Variants in OPCML observed in about 807,000 individuals in gnomAD.
OPCML encodes the protein opioid-binding protein/cell adhesion molecule.
A neutral mutation model predicts 37.8 loss-of-function variants in OPCML; 13 were observed. The observed-to-expected ratio is 0.34, with a 90% confidence interval of 0.22 to 0.55. The LOEUF is 0.55. OPCML is among the 20% of genes least tolerant of loss of function. OPCML has a pLI of 0.91. For synonymous variants in OPCML, 176 were observed against 168.8 expected (o/e 1.04, Z -0.33); for missense variants, 341 against 435.6 (o/e 0.78, Z 1.93).
intron 3 of OPCML, among the ~76,000 whole-genome samples, chr11:132,581,374 G>C (rs1196169835): frequency 3.3e-5 from 5 of 152,180 alleles, no homozygotes; most frequent in African/African-American, 1.2e-4. Context: ...AAAGGACCTA[G>C]TCAGGTTCTA....
chr11:132,804,870 A>T (rs1938905198), intron 2 of OPCML, among the ~76,000 whole-genome samples: 5 of 152,214 alleles, frequency 3.3e-5, no homozygotes, highest in Admixed American at 3.3e-4. Flanking sequence ...TTCAACAAAA[A>T]ATCAATAGTC....
At chr11:132,560,902 A>C (rs2096409221) in intron 3 of OPCML, among the ~76,000 whole-genome samples, 1 of 152,192 alleles carries the variant, frequency 6.6e-6, no homozygotes, top group South Asian at 2.1e-4. Context: ...TTTGCTGTGC[A>C]GAAGCTGTTG....
intron 3 of OPCML, among the ~76,000 whole-genome samples, chr11:132,568,180 AT>A: frequency 6.6e-6 from 1 of 152,366 alleles, no homozygotes; most frequent in South Asian, 2.1e-4. Context: ...AAGTAACAGC[AT>A]TAATCACGTA....
At chr11:133,447,795 A>C (rs147223926) in intron 1 of OPCML, among the ~76,000 whole-genome samples, 17 of 152,294 alleles carry the variant, frequency 1.1e-4, no homozygotes, top group African/African-American at 4.1e-4. Context: ...GGTTGACTTC[A>C]TGTCTTTGCT....
At chr11:132,868,794 C>T (rs1226185189) in intron 2 of OPCML, among the ~76,000 whole-genome samples, 1 of 152,116 alleles carries the variant, frequency 6.6e-6, no homozygotes, top group Non-Finnish European at 1.5e-5. Flanking sequence ...GTTTCTGCTA[C>T]CTGGAGTGGA....
rs562362918 is a variant in OPCML, at chr11:132,460,580, T to C, written c.506-23221A>G. Among the ~76,000 whole-genome samples the C allele has an allele frequency of 1.2e-4, 18 of 152,246 alleles. No individual in the cohort carries two copies. The South Asian group carries it at 3.7e-3, about 32-fold the overall frequency. On this transcript the variant is annotated intron_variant, in intron 4 of 7. Transcript: ENST00000524381. ...ATAAATGATATCTCAGCAGCAAAAA[T>C]TGATGCTTGGTATCTTGATGGCAAA...
intron 3 of OPCML, among the ~76,000 whole-genome samples, chr11:132,652,738 C>T (rs1372647952): frequency 6.6e-6 from 1 of 152,178 alleles, no homozygotes; most frequent in Non-Finnish European, 1.5e-5. Flanking sequence ...CTTGTCACAT[C>T]GAGGACCCTC....
intron 2 of OPCML, among the ~76,000 whole-genome samples, chr11:132,683,123 AT>A (rs1943023239): frequency 6.6e-6 from 1 of 152,244 alleles, no homozygotes; most frequent in Non-Finnish European, 1.5e-5. Context: ...TGTAAAAAAT[AT>A]AAAAGCAAGA....
chr11:133,072,903 T>C (rs2137013118), intron 1 of OPCML, among the ~76,000 whole-genome samples: 1 of 152,306 alleles, frequency 6.6e-6, no homozygotes, highest in Admixed American at 6.5e-5. Context: ...AGGAGAACAT[T>C]GCCTGAGACA....
intron 1 of OPCML, among the ~76,000 whole-genome samples, chr11:133,035,294 T>A (rs1327088824): frequency 1.3e-5 from 2 of 152,114 alleles, no homozygotes; most frequent in Non-Finnish European, 2.9e-5. Flanking sequence ...ACCACAAAAG[T>A]AATATTGCAG....
chr11:132,664,902 G>T (rs2135796903), intron 2 of OPCML, among the ~76,000 whole-genome samples: 1 of 152,304 alleles, frequency 6.6e-6, no homozygotes, highest in African/African-American at 2.4e-5. Flanking sequence ...GCAGAAAAAT[G>T]GTGAGGGATA....
rs188714394 is a variant in OPCML, at chr11:132,683,211, C to A, written c.147-25892G>T. Among the ~76,000 whole-genome samples, 8 of 152,184 alleles carry A rather than the reference C, an allele frequency of 5.3e-5. No individual in the cohort carries two copies. In the East Asian group the frequency reaches 1.5e-3, roughly 29 times the overall value. ...TGGAAGAGTTGGAGACCAGCCTGAGCAACACAGAGAGACTCTGTCGCTACA... is the reference window on the plus strand; with the variant it reads ...TGGAAGAGTTGGAGACCAGCCTGAGAAACACAGAGAGACTCTGTCGCTACA... On this transcript the variant is annotated intron_variant, in intron 2 of 7. Coordinates refer to ENST00000524381, the MANE Select transcript of OPCML (RefSeq NM_001012393.5).
Position 132,926,704 on chromosome 11 carries a change from GA to G in OPCML, c.146+16221del, listed in dbSNP as rs376117010. 2.7e-4 allele frequency among the ~76,000 whole-genome samples: 39 copies of G among 146,658 alleles called. 1 individual carries two copies. The highest frequency in any genetic ancestry group is 5.9e-4 in the East Asian group (3 of 5,078). On this transcript the variant is annotated intron_variant, in intron 2 of 7. Coordinates refer to ENST00000524381, the MANE Select transcript of OPCML (RefSeq NM_001012393.5). ...ACAGTAAAATATGCCCCATTCAAAG[GA>G]AAAAAAAAATCTCCATAAGATTTTC...
intron 2 of OPCML, among the ~76,000 whole-genome samples, chr11:132,757,693 A>T (rs1168352433): frequency 6.6e-6 from 1 of 152,150 alleles, no homozygotes; most frequent in Non-Finnish European, 1.5e-5. Context: ...GATTCGGGAT[A>T]TTAGCCTGTT....
At chr11:133,434,059 C>G (rs74343339) in intron 1 of OPCML, among the ~76,000 whole-genome samples, 1 of 152,178 alleles carries the variant, frequency 6.6e-6, no homozygotes, top group Non-Finnish European at 1.5e-5. Context: ...TATTTCTAAA[C>G]ACACTGGGAT....
At position 132,787,719 on chromosome 11, in the gene OPCML, C is replaced by T. The variant is rs1947265293; in HGVS notation, c.147-130400G>A. Among the ~76,000 whole-genome samples, 3 of 152,052 alleles carry T rather than the reference C, an allele frequency of 2.0e-5. No homozygotes were observed. The South Asian group carries it at 6.2e-4, about 32-fold the overall frequency. On this transcript the variant is annotated intron_variant, in intron 2 of 7. Coordinates refer to ENST00000524381, the MANE Select transcript of OPCML (RefSeq NM_001012393.5). ...TCTAAATGTTAAAGTTCTTTAGAAC[C>T]TATAGCCTTGGGTCCTCTTCTCTTC...
chr11:132,437,084 G>T, intron 5 of OPCML, 138 bp downstream of exon 5: 1 of 1,413,392 alleles, frequency 7.1e-7, no homozygotes, highest in Non-Finnish European at 9.6e-7. Flanking sequence ...GGCCATGGTG[G>T]GCAAAGCCAT....
In OPCML at chr11:133,088,150, A is replaced by G. The variant is rs570173678; in HGVS notation, c.62-145140T>C. ...ACTTTGCATTATTAACAAAAGAGAA[A>G]GAGTACTATTACTTACTGTAGGCAG... On this transcript the variant is annotated intron_variant, in intron 1 of 7. Coordinates refer to ENST00000524381, the MANE Select transcript of OPCML (RefSeq NM_001012393.5). Among the ~76,000 whole-genome samples the G allele has an allele frequency of 2.0e-5, 3 of 152,322 alleles. No homozygotes were observed. The East Asian group carries it at 5.8e-4, about 29-fold the overall frequency.
At chr11:132,828,575 A>C (rs1346258288) in intron 2 of OPCML, among the ~76,000 whole-genome samples, 1 of 152,216 alleles carries the variant, frequency 6.6e-6, no homozygotes, top group Admixed American at 6.5e-5. Context: ...ATTTATTTTA[A>C]AACAATACTC....
Sources: gnomAD v4.1 joint callset for allele counts (sites outside exome capture counted in the v4.1 genomes callset) on GRCh38, gnomAD v4.1.1 for gene constraint, MANE v1.5 for transcripts, NCBI Gene and HGNC (gene_info 2026-07-23, HGNC 2026-07-21) for gene names.